LRPPRC: variants seen among roughly 807,000 people sequenced by gnomAD.
The protein encoded by LRPPRC is leucine-rich PPR motif-containing protein, mitochondrial.
A neutral mutation model predicts 180.3 loss-of-function variants in LRPPRC; 120 were observed. The observed-to-expected ratio is 0.67, with a 90% confidence interval of 0.57 to 0.77. LRPPRC has a LOEUF of 0.77. Among genes scored for constraint, LRPPRC ranks in the 30% least tolerant of loss-of-function variants. The pLI, the probability that LRPPRC is intolerant of heterozygous loss-of-function variation, is 0.00. For synonymous variants in LRPPRC, 723 were observed against 600.0 expected (o/e 1.21, Z -3.00); for missense variants, 2,012 against 1,657.2 (o/e 1.21, Z -3.72).
chr2:43,975,041 A>C, intron 7 of LRPPRC, 50 bp downstream of exon 7: 1 of 1,590,598 alleles, frequency 6.3e-7, no homozygotes, highest in Non-Finnish European at 8.6e-7. Context: ...AACATAACAC[A>C]AATTTTTACA....
rs1463658772 is a variant in LRPPRC at position 43,925,957 on chromosome 2, G to A, written c.2741C>T (p.Pro914Leu). ...CCTTGCAGATCGAGCTCTAATCCCT[G>A]GAGTCTGTAAAATAAAATAATCACA... ...YKEAKKIIET[P>L]GIRARSARLQ... Residue 914 changes from proline to leucine, a missense_variant, in exon 26 of 38, where the codon CCA (proline) becomes CTA (leucine). Transcript: ENST00000260665. The A allele has an allele frequency of 6.2e-7, 1 of 1,600,192 alleles. No homozygotes were observed. Among genetic ancestry groups the A allele is most frequent in the African/African-American group, 1.3e-5 (1 of 74,582 alleles).
chr2:43,909,494 T>C (rs1671180982), intron 30 of LRPPRC, among the ~76,000 whole-genome samples: 1 of 152,088 alleles, frequency 6.6e-6, no homozygotes, highest in Non-Finnish European at 1.5e-5. Context: ...TTATGGAACA[T>C]AAGTAAGTTC....
intron 11 of LRPPRC, among the ~76,000 whole-genome samples, chr2:43,970,120 A>G (rs1328938354): frequency 2.6e-5 from 4 of 152,342 alleles, no homozygotes; most frequent in African/African-American, 7.2e-5. Context: ...TGCAGCTACA[A>G]GATTCTTATT....
chr2:43,956,469 A>G (rs1402620507), intron 14 of LRPPRC, among the ~76,000 whole-genome samples: 1 of 121,634 alleles, frequency 8.2e-6, no homozygotes, highest in Non-Finnish European at 1.7e-5. Flanking sequence ...TCAGCCAAAA[A>G]GAAAAAAACG....
intron 8 of LRPPRC, 56 bp from the exon 9 acceptor site, chr2:43,974,351 GC>G: frequency 7.8e-7 from 1 of 1,274,452 alleles, no homozygotes; most frequent in Non-Finnish European, 1.1e-6. Flanking sequence ...TTTTTACACT[GC>G]AACCAATGTT....
intron 3 of LRPPRC, 57 bp downstream of exon 3, chr2:43,979,769 G>A: frequency 3.3e-6 from 5 of 1,511,072 alleles, no homozygotes; most frequent in South Asian, 1.2e-5. Context: ...ACACTTTTTT[G>A]CAAAAAGAAA....
At chr2:43,973,959 C>T in intron 9 of LRPPRC, 59 bp from the exon 10 acceptor site, 1 of 1,174,478 alleles carries the variant, frequency 8.5e-7, no homozygotes, top group Admixed American at 1.7e-5. Flanking sequence ...GTTTGACCTG[C>T]TGCAAATATT....
chr2:43,918,839 CTATATATAGAGATA>C (rs1671588053), intron 27 of LRPPRC, among the ~76,000 whole-genome samples: 1 of 145,574 alleles, frequency 6.9e-6, no homozygotes, highest in African/African-American at 2.5e-5. Flanking sequence ...ATAGATATCT[CTATATATAGAGATA>C]TATATATAGA....
chr2:43,966,078 G>C (rs1673543034), intron 11 of LRPPRC, among the ~76,000 whole-genome samples: 1 of 152,142 alleles, frequency 6.6e-6, no homozygotes, highest in Admixed American at 6.5e-5. Context: ...AACAGATAAA[G>C]AAAATGTGGC....
chr2:43,978,410 A>C (rs1268303092), intron 3 of LRPPRC, among the ~76,000 whole-genome samples: 2 of 152,160 alleles, frequency 1.3e-5, no homozygotes, highest in Non-Finnish European at 2.9e-5. Context: ...TACAGGAGAG[A>C]CCTATCTGTA....
At chr2:43,972,976 T>C (rs1412306275) in intron 11 of LRPPRC, among the ~76,000 whole-genome samples, 4 of 152,234 alleles carry the variant, frequency 2.6e-5, no homozygotes, top group South Asian at 2.1e-4. Flanking sequence ...AATTAGATAC[T>C]GTACTCTAAA....
At chr2:43,988,207 C>CTCCA (rs1215682321) in intron 1 of LRPPRC, among the ~76,000 whole-genome samples, 2 of 145,012 alleles carry the variant, frequency 1.4e-5, no homozygotes, top group African/African-American at 5.2e-5. Context: ...CCCCACTGCA[C>CTCCA]TCCAGCCTGG....
In LRPPRC at chr2:43,887,352, T is replaced by TC. The variant is rs1670305394; in HGVS notation, c.*1247dup. 2 of 152,090 alleles carry TC rather than the reference T, an allele frequency of 1.3e-5. No homozygotes were observed. Among genetic ancestry groups the TC allele is most frequent in the East Asian group, 3.9e-4 (2 of 5,164 alleles). The allele number at this position is 152,090 out of a possible 1,614,324, so 9.4% of individuals were successfully genotyped here. A position where few individuals can be genotyped will look rare whatever the true frequency, so the allele number is the denominator to read the frequency against. ...CCATGATGACATCTACTTCCTGGCT[T>TC]CCCGCCATCAACCCTCCCTCACACC... On this transcript the variant is annotated 3_prime_UTR_variant, in exon 38 of 38. Transcript: ENST00000260665.
At position 43,957,850 on chromosome 2, in the gene LRPPRC, G is replaced by A. The variant is rs1572545871; in HGVS notation, c.1583-399C>T. On this transcript the variant is annotated intron_variant, in intron 13 of 37. Transcript: ENST00000260665. ...TGTTCTTTAAAGACAGCACATGAGA[G>A]GAAAAATTCTTTTCTCGGAGAGGTG... Among the ~76,000 whole-genome samples the A allele has an allele frequency of 2.0e-5, 3 of 152,180 alleles. No homozygotes were observed. In the South Asian group the frequency reaches 6.2e-4, roughly 32 times the overall value.
At chr2:43,892,523 A>T (rs1023944687) in intron 36 of LRPPRC, among the ~76,000 whole-genome samples, 4 of 152,208 alleles carry the variant, frequency 2.6e-5, no homozygotes, top group African/African-American at 9.6e-5. Flanking sequence ...GAAAAAAAAG[A>T]TTCCTTTCAA....
At chr2:43,957,805 G>C (rs149830819) in intron 13 of LRPPRC, among the ~76,000 whole-genome samples, 115 of 152,210 alleles carry the variant, frequency 7.6e-4, no homozygotes, top group African/African-American at 2.7e-3. Context: ...GAGAGAGACT[G>C]TAATACCCTA....
chr2:43,942,550 G>A (rs1429354859), intron 23 of LRPPRC, among the ~76,000 whole-genome samples: 1 of 152,022 alleles, frequency 6.6e-6, no homozygotes, highest in Non-Finnish European at 1.5e-5. Context: ...ATGTGTGCAT[G>A]CATGTATTCA....
chr2:43,994,820 A>G (rs1674950114), intron 1 of LRPPRC, among the ~76,000 whole-genome samples: 1 of 152,202 alleles, frequency 6.6e-6, no homozygotes, highest in Admixed American at 6.5e-5. Flanking sequence ...AGTCTATACC[A>G]AACCTATCTC....
At chr2:43,987,201 TG>T (rs1674563970) in intron 1 of LRPPRC, among the ~76,000 whole-genome samples, 1 of 152,080 alleles carries the variant, frequency 6.6e-6, no homozygotes, top group East Asian at 1.9e-4. Flanking sequence ...CTTTTAAAAA[TG>T]TTTGGTAATG....
Sources: allele counts gnomAD v4.1 joint callset (sites outside exome capture counted in the v4.1 genomes callset), GRCh38; gene constraint gnomAD v4.1.1; transcripts MANE v1.5; gene names NCBI Gene and HGNC (gene_info 2026-07-23, HGNC 2026-07-21).